Variants in DST observed in about 807,000 individuals in gnomAD.
The protein encoded by DST is dystonin.
DST carries 253 observed loss-of-function variants against 875.2 expected under a neutral mutation model. That is an observed-to-expected ratio of 0.29 (90% confidence interval 0.26 to 0.32). DST has a LOEUF of 0.32. DST is among the 10% of genes least tolerant of loss of function. DST has a pLI of 1.00. For missense variants in DST, 8,287 were observed against 9,111.6 expected (o/e 0.91, Z 3.68); for synonymous variants, 3,124 against 3,197.1 (o/e 0.98, Z 0.77).
rs756132163 is a variant in DST at position 56,501,155 on chromosome 6, G to C, written c.19821C>G (p.Thr6607=). Residue 6607 remains threonine (T), a synonymous_variant, in exon 80 of 104, where the codon ACC becomes ACG. Coordinates refer to ENST00000680361, the MANE Select transcript of DST (RefSeq NM_001374736.1). ...GTTTCTGCTCACTTAGCAAGCCCTC[G>C]GTGTGTGTCAGCCATGCCAGGAGCT... ...LDELLAWLTH[T]EGLLSEQKPV... 10 of 1,612,476 alleles carry C rather than the reference G, an allele frequency of 6.2e-6. No individual in the cohort carries two copies. Among genetic ancestry groups the C allele is most frequent in the Non-Finnish European group, 8.5e-6 (10 of 1,179,194 alleles).
intron 2 of DST, among the ~76,000 whole-genome samples, chr6:56,914,332 C>T (rs983053721): frequency 1.3e-5 from 2 of 152,118 alleles, no homozygotes; most frequent in African/African-American, 4.8e-5. Flanking sequence ...GTGGGGCATA[C>T]CCCACATTTT....
rs754262548 is a variant in DST, at chr6:56,640,169, G to C, written c.2464C>G (p.Leu822Val). 1.2e-6 allele frequency: 2 copies of C among 1,614,056 alleles called. No homozygotes were observed. Among genetic ancestry groups the C allele is most frequent in the South Asian group, 2.2e-5 (2 of 91,082 alleles). The change falls in exon 18 of 104, where the codon CTT becomes GTT. Residue 822 changes from leucine (L) to valine (V), a missense_variant. Leu to Val is a conservative substitution (Grantham distance 32). Transcript: ENST00000680361. ...TGCATCTCATCAACCCAATTCAAAA[G>C]ATCCTGAACAAATTTCATATTGATT... ...EEINMKFVQD[L>V]LNWVDEMQVQ...
In DST at chr6:56,826,894, C is replaced by T. The variant is rs541958624; in HGVS notation, c.625+24503G>A. ...TTTCTCCAAAGACAGTAACAAGTCA[C>T]ATTCTCAAAAGCAGTGCACGAGAGC... On this transcript the variant is annotated intron_variant, in intron 4 of 103. Coordinates refer to ENST00000680361, the MANE Select transcript of DST (RefSeq NM_001374736.1). 3.9e-5 allele frequency among the ~76,000 whole-genome samples: 6 copies of T among 152,306 alleles called. No homozygotes were observed. In the East Asian group the frequency reaches 5.8e-4, roughly 15 times the overall value.
intron 3 of DST, among the ~76,000 whole-genome samples, chr6:56,866,837 T>G (rs1163462302): frequency 6.6e-6 from 1 of 152,196 alleles, no homozygotes; most frequent in Non-Finnish European, 1.5e-5. Context: ...AATGGGAAAA[T>G]GAACAGTAAA....
intron 5 of DST, among the ~76,000 whole-genome samples, chr6:56,707,156 C>T (rs148763208): frequency 8.3e-4 from 126 of 152,304 alleles, no homozygotes; most frequent in Non-Finnish European, 1.5e-3. Flanking sequence ...GGCCATGGAC[C>T]GGACCAGTAC....
At chr6:56,483,574 A>T (rs1175561373) in intron 88 of DST, 6 of 122,842 alleles carry the variant, frequency 4.9e-5, no homozygotes, top group Admixed American at 9.8e-5. Flanking sequence ...TAATTTTGAC[A>T]AACTGATGTG....
chr6:56,750,105 C>T lies in DST; in HGVS notation c.626-14816G>A, dbSNP rs191992450. Among the ~76,000 whole-genome samples the T allele has an allele frequency of 3.3e-4, 50 of 152,180 alleles. No homozygotes were observed. In the East Asian group the frequency reaches 5.4e-3, roughly 16 times the overall value. On this transcript the variant is annotated intron_variant, in intron 4 of 103. Transcript: ENST00000680361. ...TTAAATGTTAAGTGTGTGGGGTGCC[C>T]GCAGACTTCTCTCTGAGGCTTAATT...
At chr6:56,474,520 A>G (rs1444203585) in intron 92 of DST, among the ~76,000 whole-genome samples, 2 of 152,092 alleles carry the variant, frequency 1.3e-5, no homozygotes, top group African/African-American at 4.8e-5. Flanking sequence ...TAAAATGTTA[A>G]TGCTTGTAAA....
rs756543920 is a variant in DST, at chr6:56,517,152, C to T, written c.18357+46G>A. ...TCTAGGACTGAAAGCTCAACACCTGCTGTTTTTTCAAGAGTCCCACTACCA... is the reference window on the plus strand; with the variant it reads ...TCTAGGACTGAAAGCTCAACACCTGTTGTTTTTTCAAGAGTCCCACTACCA... On this transcript the variant is annotated intron_variant, in intron 71 of 103. Coordinates refer to ENST00000680361, the MANE Select transcript of DST (RefSeq NM_001374736.1). The T allele has an allele frequency of 1.2e-5, 16 of 1,349,406 alleles. No homozygotes were observed. The East Asian group carries it at 3.0e-4, about 25-fold the overall frequency. The allele number at this position is 1,349,406 out of a possible 1,614,324, so 83.6% of individuals were successfully genotyped here.
intron 69 of DST, among the ~76,000 whole-genome samples, chr6:56,518,901 A>C (rs773364251): frequency 6.6e-6 from 1 of 152,220 alleles, no homozygotes; most frequent in Non-Finnish European, 1.5e-5. Context: ...TGGAGATAAG[A>C]AACTAGATTT....
At position 56,627,074 on chromosome 6, in the gene DST, A is replaced by G. The variant is rs1445086586; in HGVS notation, c.4722+130T>C. ...GACTAATTTCACAAAGAATTATTAG[A>G]TAAGTGTCAAAAAAGTTCAAATGAA... On this transcript the variant is annotated intron_variant, in intron 34 of 103. Transcript: ENST00000680361. 5 of 737,684 alleles carry G rather than the reference A, an allele frequency of 6.8e-6. No individual in the cohort carries two copies. The East Asian group carries it at 7.6e-5, about 11-fold the overall frequency. The allele number at this position is 737,684 out of a possible 1,614,324, so 45.7% of individuals were successfully genotyped here.
intron 34 of DST, among the ~76,000 whole-genome samples, chr6:56,626,022 AATAAAGT>A (rs1045974829): frequency 6.6e-6 from 1 of 151,776 alleles, no homozygotes; most frequent in Non-Finnish European, 1.5e-5. Context: ...AAGCTTACAG[AATAAAGT>A]ATAAAGAAAG....
At chr6:56,503,213 A>G (rs1459641968) in intron 78 of DST, among the ~76,000 whole-genome samples, 2 of 152,086 alleles carry the variant, frequency 1.3e-5, no homozygotes, top group Non-Finnish European at 2.9e-5. Context: ...AAGACCCTGT[A>G]TTTGCTAGCA....
chr6:56,813,619 C>T (rs1288000034), intron 4 of DST, among the ~76,000 whole-genome samples: 4 of 151,940 alleles, frequency 2.6e-5, no homozygotes, highest in Admixed American at 2.0e-4. Flanking sequence ...ATTTAACAAG[C>T]AATTGAAATA....
At chr6:56,954,024 C>T (rs1823872666) in intron 1 of DST, among the ~76,000 whole-genome samples, 1 of 152,180 alleles carries the variant, frequency 6.6e-6, no homozygotes, top group Non-Finnish European at 1.5e-5. Context: ...CATGAAAGTT[C>T]TGGGGGAGTT....
intron 69 of DST, among the ~76,000 whole-genome samples, chr6:56,522,025 C>A (rs1237647065): frequency 1.3e-5 from 2 of 152,116 alleles, no homozygotes; most frequent in Non-Finnish European, 2.9e-5. Context: ...ACCACCAACT[C>A]TAGCTACTGT....
chr6:56,472,185 C>T lies in DST; in HGVS notation c.22032G>A (p.Gly7344=). 1 of 1,613,818 alleles carries T rather than the reference C, an allele frequency of 6.2e-7. No homozygotes were observed. The highest frequency in any genetic ancestry group is 8.5e-7 in the Non-Finnish European group (1 of 1,179,836). ...RFPASSLYPS[G]SQTQIETKNP... is the part of the protein sequence containing the mutation. ...TTTTGGTTTCAATTTGTGTCTGTGA[C>T]CCAGAGGGATACAAGCTTGATGCTG... is the stretch of plus-strand genomic sequence containing the variant. Residue 7344 remains glycine (G), a synonymous_variant, in exon 94 of 104, where the codon GGG becomes GGA. Transcript: ENST00000680361.
intron 4 of DST, 101 bp downstream of exon 4, chr6:56,851,296 T>G (rs535119197): frequency 1.9e-6 from 2 of 1,076,796 alleles, no homozygotes; most frequent in African/African-American, 3.2e-5. Flanking sequence ...CACAGATTCC[T>G]GCCCAGTGCA....
rs2096970920 is a variant in DST at position 56,535,113 on chromosome 6, C to A, written c.16941+9G>T. The A allele has an allele frequency of 1.2e-6, 2 of 1,611,178 alleles. No homozygotes were observed. The highest frequency in any genetic ancestry group is 1.7e-6 in the Non-Finnish European group (2 of 1,179,258). On this transcript the variant is annotated intron_variant, in intron 63 of 103. Coordinates refer to ENST00000680361, the MANE Select transcript of DST (RefSeq NM_001374736.1). ...TATGAAACGCAATACAAAAGCATGA[C>A]TAACTTACCTTTTGTTCTTGTATCT...
Sources: allele counts gnomAD v4.1 joint callset (sites outside exome capture counted in the v4.1 genomes callset), GRCh38; gene constraint gnomAD v4.1.1; transcripts MANE v1.5; gene names NCBI Gene and HGNC (gene_info 2026-07-23, HGNC 2026-07-21).